The following ANO4 variants were observed in gnomAD, a reference collection of about 807,000 sequenced individuals.
ANO4 encodes anoctamin 4, also known as anoctamin-4.
A neutral mutation model predicts 141.9 loss-of-function variants in ANO4; 69 were observed. That is an observed-to-expected ratio of 0.49 (90% confidence interval 0.40 to 0.59). The LOEUF (loss-of-function observed/expected upper bound fraction) is 0.59, where lower values mean the gene tolerates loss of function less well. ANO4 is among the 20% of genes least tolerant of loss of function. The pLI is 0.00. For missense variants in ANO4, 894 were observed against 1,162.2 expected (o/e 0.77, Z 3.36); for synonymous variants, 350 against 394.3 (o/e 0.89, Z 1.33).
intron 7 of ANO4, among the ~76,000 whole-genome samples, chr12:100,983,551 A>G (rs1184097378): frequency 6.6e-6 from 1 of 152,118 alleles, no homozygotes; most frequent in Non-Finnish European, 1.5e-5. Flanking sequence ...CAGTTCATGT[A>G]ATCATAGGAC....
intron 26 of ANO4, 58 bp from the exon 27 acceptor site, chr12:101,126,821 C>T: frequency 1.3e-6 from 2 of 1,511,028 alleles, no homozygotes; most frequent in East Asian, 4.5e-5. Flanking sequence ...AGCCAACTCT[C>T]TAACCTCATT....
At chr12:101,043,663 G>T (rs1464620755) in intron 13 of ANO4, 28 bp downstream of exon 13, 7 of 1,533,066 alleles carry the variant, frequency 4.6e-6, no homozygotes, top group Non-Finnish European at 6.3e-6. Flanking sequence ...CATTTTAGAT[G>T]AATTGAATTT....
intron 15 of ANO4, among the ~76,000 whole-genome samples, chr12:101,080,883 T>TATTATATATATATA (rs1491584060): frequency 1.3e-4 from 10 of 74,100 alleles, no homozygotes; most frequent in East Asian, 5.5e-4. Flanking sequence ...TATATATATA[T>TATTATATATATATA]TATATATATA....
chr12:101,032,334 G>C (rs1209552361), intron 9 of ANO4, among the ~76,000 whole-genome samples: 1 of 152,196 alleles, frequency 6.6e-6, no homozygotes, highest in Non-Finnish European at 1.5e-5. Flanking sequence ...AATGGGGAAA[G>C]GATCTCCTAT....
chr12:100,934,876 G>A (rs1249179519), intron 3 of ANO4, among the ~76,000 whole-genome samples: 1 of 152,124 alleles, frequency 6.6e-6, no homozygotes. Context: ...GTTCAGTCAC[G>A]ATTTGGCTCT....
chr12:101,119,569 A>T (rs1372658746), intron 25 of ANO4, among the ~76,000 whole-genome samples: 1 of 152,196 alleles, frequency 6.6e-6, no homozygotes, highest in Non-Finnish European at 1.5e-5. Context: ...ATAAAAATAA[A>T]CCACATGCAA....
chr12:100,848,287 GA>G (rs1306300236), intron 1 of ANO4, among the ~76,000 whole-genome samples: 1 of 152,126 alleles, frequency 6.6e-6, no homozygotes, highest in Non-Finnish European at 1.5e-5. Flanking sequence ...ATTGCATTGG[GA>G]GGGAGGAGCA....
intron 23 of ANO4, among the ~76,000 whole-genome samples, chr12:101,111,001 C>T (rs187393251): frequency 5.3e-5 from 8 of 152,306 alleles, no homozygotes; most frequent in Admixed American, 2.0e-4. Context: ...AGATGCAGCT[C>T]GCATGAGAGC....
intron 8 of ANO4, among the ~76,000 whole-genome samples, chr12:100,996,726 T>C (rs916640200): frequency 1.3e-5 from 2 of 152,160 alleles, no homozygotes; most frequent in Non-Finnish European, 2.9e-5. Flanking sequence ...AAATTGTTGC[T>C]GGAGGGACAG....
At chr12:100,777,712 T>C (rs2033572512) in intron 3 of ANO4, among the ~76,000 whole-genome samples, 1 of 152,162 alleles carries the variant, frequency 6.6e-6, no homozygotes, top group Non-Finnish European at 1.5e-5. Flanking sequence ...ATCTTCATCT[T>C]TCCACTCTCA....
intron 1 of ANO4, among the ~76,000 whole-genome samples, chr12:100,726,961 C>CG (rs33957028): frequency 2.9e-5 from 2 of 68,420 alleles, no homozygotes; most frequent in Admixed American, 1.3e-4. Context: ...TGCCCCGGGA[C>CG]CCCCCCCGCC....
intron 7 of ANO4, among the ~76,000 whole-genome samples, chr12:100,984,013 C>G (rs1340485953): frequency 6.6e-6 from 1 of 152,124 alleles, no homozygotes; most frequent in Non-Finnish European, 1.5e-5. Flanking sequence ...GACAACATGC[C>G]TTGTCCACCT....
intron 3 of ANO4, among the ~76,000 whole-genome samples, chr12:100,741,810 T>G (rs2031876799): frequency 6.6e-6 from 1 of 152,202 alleles, no homozygotes; most frequent in Admixed American, 6.5e-5. Context: ...TGCTTTAGTT[T>G]AATAAAATCA....
rs933864461 is a variant in ANO4, at chr12:100,796,083, C to T, written c.-141+1056C>T. Among the ~76,000 whole-genome samples, 3 of 143,284 alleles carry T rather than the reference C, an allele frequency of 2.1e-5. No individual in the cohort carries two copies. The Admixed American group carries it at 2.2e-4, about 10-fold the overall frequency. 94.0% of individuals were successfully genotyped at this position (143,284 alleles called of 152,430 possible). A position where few individuals can be genotyped will look rare whatever the true frequency, so the allele number is the denominator to read the frequency against. On this transcript the variant is annotated intron_variant, in intron 1 of 27. Transcript: ENST00000392977. ...AGCAGGTGTGTCGAACTATTTTGGT[C>T]AAAGCATCATTCCAAAGAATAGCTT... is the stretch of plus-strand genomic sequence containing the variant.
chr12:100,823,503 C>G (rs535788229), intron 1 of ANO4, among the ~76,000 whole-genome samples: 3 of 151,936 alleles, frequency 2.0e-5, no homozygotes, highest in Admixed American at 6.6e-5. Flanking sequence ...CGAGTTGGGA[C>G]ATATATTGCT....
chr12:101,021,873 TA>T (rs1277726620), intron 9 of ANO4, among the ~76,000 whole-genome samples: 5 of 152,038 alleles, frequency 3.3e-5, no homozygotes, highest in African/African-American at 1.2e-4. Context: ...AATATCACTG[TA>T]AAAAATTAAA....
chr12:100,998,379 T>TTATCTATGTATC (rs1555272053), intron 8 of ANO4, among the ~76,000 whole-genome samples: 1 of 148,766 alleles, frequency 6.7e-6, no homozygotes, highest in African/African-American at 2.5e-5. Flanking sequence ...AAACTCCCCT[T>TTATCTATGTATC]TATCTATCTA....
chr12:101,030,549 T>G (rs1236218016), intron 9 of ANO4, among the ~76,000 whole-genome samples: 1 of 151,940 alleles, frequency 6.6e-6, no homozygotes, highest in East Asian at 1.9e-4. Context: ...ATTGATACAC[T>G]AACATCACAA....
At chr12:100,741,443 A>C (rs529647155) in intron 3 of ANO4, among the ~76,000 whole-genome samples, 1 of 152,310 alleles carries the variant, frequency 6.6e-6, no homozygotes, top group South Asian at 2.1e-4. Flanking sequence ...GTCTTACCCC[A>C]GGGGATGCTG....
Sources: gnomAD v4.1 joint callset for allele counts (sites outside exome capture counted in the v4.1 genomes callset) on GRCh38, gnomAD v4.1.1 for gene constraint, MANE v1.5 for transcripts, NCBI Gene and HGNC (gene_info 2026-07-23, HGNC 2026-07-21) for gene names.